Variants in SLC22A23 observed in about 807,000 individuals in gnomAD.
The protein encoded by SLC22A23 is solute carrier family 22 member 23, also known as ion transporter protein.
SLC22A23 carries 26 observed loss-of-function variants against 61.0 expected under a neutral mutation model. The ratio of observed to expected loss-of-function variants is 0.43; its 90% CI spans 0.31 to 0.59. The LOEUF (loss-of-function observed/expected upper bound fraction) is 0.59. Among genes scored for constraint, SLC22A23 ranks in the 20% least tolerant of loss-of-function variants. SLC22A23 has a pLI of 0.11. For synonymous variants in SLC22A23, 430 were observed against 413.9 expected (o/e 1.04, Z -0.47); for missense variants, 796 against 934.7 (o/e 0.85, Z 1.94).
chr6:3,436,015 T>C (rs1680996904), intron 1 of SLC22A23, among the ~76,000 whole-genome samples: 1 of 152,102 alleles, frequency 6.6e-6, no homozygotes, highest in Admixed American at 6.5e-5. Flanking sequence ...ACAGAATACA[T>C]TTCTGTGGTA....
At position 3,327,156 on chromosome 6, in the gene SLC22A23, T is replaced by C. The variant is rs1482733570; in HGVS notation, c.914-3154A>G. On this transcript the variant is annotated intron_variant, in intron 3 of 9. Coordinates refer to ENST00000406686, the MANE Select transcript of SLC22A23 (RefSeq NM_015482.2). The surrounding 1 kb of genome is among the most constrained non-coding windows in gnomAD (Gnocchi z 4.1). The stretch of plus-strand genomic sequence containing the variant: ...CATTTGGTGCAGCAGCTCCCACACC[T>C]TGAAGATGGTTCCAGTCGCCTGGCC... Among the ~76,000 whole-genome samples the C allele has an allele frequency of 6.6e-6, 1 of 152,226 alleles. No homozygotes were observed.
rs1460185957 is a variant in SLC22A23, at chr6:3,317,406, A to G, written c.1082+6428T>C. Among the ~76,000 whole-genome samples the G allele has an allele frequency of 1.3e-5, 2 of 152,090 alleles. No homozygotes were observed. The highest frequency in any genetic ancestry group is 2.9e-5 in the Non-Finnish European group (2 of 68,018). ...GCTCTTGCACCCAGCTCCCTCTTCC[A>G]TTCTGGCACCTCCTGCCACCTATCT... On this transcript the variant is annotated intron_variant, in intron 4 of 9. Coordinates refer to ENST00000406686, the MANE Select transcript of SLC22A23 (RefSeq NM_015482.2). The surrounding 1 kb of genome is among the most constrained non-coding windows in gnomAD (Gnocchi z 4.4).
intron 3 of SLC22A23, among the ~76,000 whole-genome samples, chr6:3,369,517 C>A (rs1003597799): frequency 1.3e-5 from 2 of 152,026 alleles, no homozygotes; most frequent in East Asian, 1.9e-4. Context: ...ATGGTGAAAC[C>A]CCATCTCTAC....
chr6:3,418,747 A>G (rs998665512), intron 1 of SLC22A23, among the ~76,000 whole-genome samples: 4 of 152,204 alleles, frequency 2.6e-5, no homozygotes, highest in African/African-American at 9.7e-5. Flanking sequence ...AAGTAAACCA[A>G]CTGGATTCCC....
At chr6:3,404,356 C>T (rs1180395225) in intron 3 of SLC22A23, among the ~76,000 whole-genome samples, 2 of 152,154 alleles carry the variant, frequency 1.3e-5, no homozygotes, top group East Asian at 1.9e-4. Flanking sequence ...TGCCACTGGC[C>T]GCTTATTCTT....
intron 3 of SLC22A23, among the ~76,000 whole-genome samples, chr6:3,402,792 C>T (rs1018149950): frequency 5.9e-5 from 9 of 152,234 alleles, no homozygotes; most frequent in African/African-American, 1.7e-4. Flanking sequence ...GGCAGGAGCA[C>T]GTACTTGCCT....
At position 3,456,648 on chromosome 6, in the gene SLC22A23, T is replaced by A; in HGVS notation, c.-89A>T. ...GGCACAGCGCGCCGGGCCAGGCGCC[T>A]GCAGCCGCTGCCGCCGAGGAGGGCC... On this transcript the variant is annotated 5_prime_UTR_variant, in exon 1 of 10. Coordinates refer to ENST00000406686, the MANE Select transcript of SLC22A23 (RefSeq NM_015482.2). The surrounding 1 kb of genome is among the most constrained non-coding windows in gnomAD (Gnocchi z 7.1). 2.4e-6 allele frequency: 2 copies of A among 848,204 alleles called. No homozygotes were observed. Among genetic ancestry groups the A allele is most frequent in the South Asian group, 5.3e-5 (1 of 18,822 alleles). 52.5% of individuals were successfully genotyped at this position (848,204 alleles called of 1,614,324 possible).
rs1399845899 is a variant in SLC22A23 at position 3,342,331 on chromosome 6, TA to T, written c.914-18330del. Among the ~76,000 whole-genome samples, 1 of 152,230 alleles carries T rather than the reference TA, an allele frequency of 6.6e-6. No individual in the cohort carries two copies. The highest frequency in any genetic ancestry group is 1.5e-5 in the Non-Finnish European group (1 of 68,040). ...CAACAAATTGAGATAAAACAAAATT[TA>T]AAGGAATACCTTACTTCATTTAGGC... On this transcript the variant is annotated intron_variant, in intron 3 of 9. Coordinates refer to ENST00000406686, the MANE Select transcript of SLC22A23 (RefSeq NM_015482.2). This position sits in a 1 kb window ranked among gnomAD's most constrained non-coding sequence, Gnocchi z 4.0.
In SLC22A23 at chr6:3,387,638, G is replaced by A. The variant is rs930314506; in HGVS notation, c.913+22550C>T. On this transcript the variant is annotated intron_variant, in intron 3 of 9. Coordinates refer to ENST00000406686, the MANE Select transcript of SLC22A23 (RefSeq NM_015482.2). The surrounding 1 kb of genome is among the most constrained non-coding windows in gnomAD (Gnocchi z 5.0). ...ATGTGAGTTCACGTTAGCGGAAGGC[G>A]GGTGAGTGAAGGGCTTACAGAAAAT... 1.3e-5 allele frequency among the ~76,000 whole-genome samples: 2 copies of A among 152,206 alleles called. No homozygotes were observed. The highest frequency in any genetic ancestry group is 4.8e-5 in the African/African-American group (2 of 41,454).
intron 3 of SLC22A23, among the ~76,000 whole-genome samples, chr6:3,391,468 A>G (rs1022925669): frequency 2.0e-5 from 3 of 152,240 alleles, no homozygotes; most frequent in East Asian, 3.8e-4. Context: ...TTAGAATCAC[A>G]TATGTATATC....
intron 7 of SLC22A23, among the ~76,000 whole-genome samples, chr6:3,285,457 A>G (rs1759899751): frequency 6.6e-6 from 1 of 152,218 alleles, no homozygotes; most frequent in Non-Finnish European, 1.5e-5. Flanking sequence ...AGCTGCGTCA[A>G]GTGCTGTGGG....
chr6:3,341,727 G>T (rs768555206), intron 3 of SLC22A23, among the ~76,000 whole-genome samples: 1 of 149,216 alleles, frequency 6.7e-6, no homozygotes. Flanking sequence ...GAAACCACAC[G>T]CACAATTCAT....
chr6:3,399,490 C>T (rs564205219), intron 3 of SLC22A23, among the ~76,000 whole-genome samples: 1 of 152,342 alleles, frequency 6.6e-6, no homozygotes, highest in Admixed American at 6.5e-5. Flanking sequence ...GAACTGCCAT[C>T]CGCCCCTCCA....
At chr6:3,375,487 G>C (rs920217916) in intron 3 of SLC22A23, among the ~76,000 whole-genome samples, 1 of 152,236 alleles carries the variant, frequency 6.6e-6, no homozygotes, top group African/African-American at 2.4e-5. Context: ...ACTACAGTGA[G>C]CTTTATTGCC....
intron 3 of SLC22A23, among the ~76,000 whole-genome samples, chr6:3,354,500 T>C (rs1292334562): frequency 6.6e-6 from 1 of 152,250 alleles, no homozygotes; most frequent in Non-Finnish European, 1.5e-5. Context: ...TCCATCGATA[T>C]AGCAGAGACT....
chr6:3,441,079 T>C (rs1327191301), intron 1 of SLC22A23, among the ~76,000 whole-genome samples: 1 of 152,146 alleles, frequency 6.6e-6, no homozygotes, highest in Admixed American at 6.5e-5. Context: ...AGAAGGTGCT[T>C]GGCAGGAGCT....
intron 3 of SLC22A23, among the ~76,000 whole-genome samples, chr6:3,391,494 C>T (rs1217303000): frequency 6.6e-6 from 1 of 152,202 alleles, no homozygotes; most frequent in South Asian, 2.1e-4. Flanking sequence ...TGCAATACTG[C>T]GGCACAGATC....
At chr6:3,284,238 G>A (rs561229530) in intron 8 of SLC22A23, 19 of 361,604 alleles carry the variant, frequency 5.3e-5, no homozygotes, top group Admixed American at 1.6e-4. Flanking sequence ...TTCCTCAGCC[G>A]GGAGCCATGC....
intron 3 of SLC22A23, among the ~76,000 whole-genome samples, chr6:3,392,937 G>A (rs1767760791): frequency 1.3e-5 from 2 of 152,194 alleles, no homozygotes; most frequent in Non-Finnish European, 2.9e-5. Context: ...TTAGTGCCAT[G>A]TTTCTAGCAG....
Sources: allele counts gnomAD v4.1 joint callset (sites outside exome capture counted in the v4.1 genomes callset), GRCh38; gene constraint gnomAD v4.1.1; non-coding constraint Gnocchi (gnomAD v3.1); transcripts MANE v1.5; gene names NCBI Gene and HGNC (gene_info 2026-07-23, HGNC 2026-07-21).